Variants in IL1RAPL2 observed in about 807,000 individuals in gnomAD.
IL1RAPL2 encodes X-linked interleukin-1 receptor accessory protein-like 2.
Under a neutral mutation model 44.1 loss-of-function variants are expected in IL1RAPL2, and 3 were observed. That is an observed-to-expected ratio of 0.07 (90% CI 0.03 to 0.18). IL1RAPL2 has a LOEUF of 0.18. IL1RAPL2 is among the 10% of genes least tolerant of loss of function. IL1RAPL2 has a pLI of 1.00. For synonymous variants in IL1RAPL2, 181 were observed against 178.8 expected (o/e 1.01, Z -0.10); for missense variants, 391 against 496.4 (o/e 0.79, Z 2.02).
At chrX:104,577,817 G>T (rs1444755596) in intron 1 of IL1RAPL2, among the ~76,000 whole-genome samples, 7 of 110,826 alleles carry the variant, frequency 6.3e-5, no homozygotes, top group African/African-American at 2.3e-4. Context: ...GTCTGGCAAG[G>T]CCGGATAGTT....
chrX:104,976,144 C>A (rs766542128), intron 2 of IL1RAPL2, among the ~76,000 whole-genome samples: 51 of 111,191 alleles, frequency 4.6e-4, no homozygotes, highest in Admixed American at 8.6e-4. Context: ...TGTATTGAAC[C>A]CAAATGGTGT....
intron 1 of IL1RAPL2, among the ~76,000 whole-genome samples, chrX:104,635,407 A>C (rs1476896855): frequency 9.0e-6 from 1 of 110,962 alleles, no homozygotes; most frequent in Non-Finnish European, 1.9e-5. Context: ...TAGATTGGGG[A>C]AGTTCTCCTG....
intron 5 of IL1RAPL2, chrX:105,406,076 G>T: frequency 1.7e-6 from 2 of 1,200,566 alleles, no homozygotes; most frequent in South Asian, 3.5e-5. Flanking sequence ...CTCCTACCAG[G>T]TTGTAGCATG....
intron 4 of IL1RAPL2, among the ~76,000 whole-genome samples, chrX:105,254,968 G>C (rs1382679695): frequency 8.9e-6 from 1 of 111,735 alleles, no homozygotes; most frequent in African/African-American, 3.3e-5. Context: ...CTGTAGTATA[G>C]TTTCAAGTCA....
chrX:105,617,071 T>C (rs1206074137), intron 6 of IL1RAPL2, among the ~76,000 whole-genome samples: 1 of 110,414 alleles, frequency 9.1e-6, no homozygotes, highest in African/African-American at 3.3e-5. Flanking sequence ...CTAGATAACA[T>C]ACATACAATA....
chrX:105,202,995 T>A (rs2031998425), intron 3 of IL1RAPL2, among the ~76,000 whole-genome samples: 1 of 111,328 alleles, frequency 9.0e-6, no homozygotes, highest in Admixed American at 9.6e-5. Context: ...TTTTATATCA[T>A]CTCCACTCCT....
At chrX:104,627,321 C>T (rs375233354) in intron 1 of IL1RAPL2, among the ~76,000 whole-genome samples, 90 of 71,119 alleles carry the variant, frequency 1.3e-3, no homozygotes, top group South Asian at 5.2e-3. Context: ...TATCACACTC[C>T]GGGGCCTGTT....
At chrX:105,363,348 A>G (rs1008342511) in intron 5 of IL1RAPL2, among the ~76,000 whole-genome samples, 3 of 94,492 alleles carry the variant, frequency 3.2e-5, no homozygotes, top group Non-Finnish European at 6.3e-5. Context: ...TCATTCATTG[A>G]TGAACACTTA....
At chrX:105,347,059 G>A (rs2147702579) in intron 5 of IL1RAPL2, among the ~76,000 whole-genome samples, 1 of 111,934 alleles carries the variant, frequency 8.9e-6, no homozygotes, top group Admixed American at 9.5e-5. Context: ...ATACAGACCT[G>A]TGTGTTGAGT....
chrX:105,485,793 C>T lies in IL1RAPL2; in HGVS notation c.772+1406C>T, dbSNP rs184922592. 6.4e-4 allele frequency among the ~76,000 whole-genome samples: 72 copies of T among 111,968 alleles called. 2 individuals carry two copies. In the East Asian group the frequency reaches 0.018, roughly 28 times the overall value. On this transcript the variant is annotated intron_variant, in intron 6 of 10. Coordinates refer to ENST00000372582, the MANE Select transcript of IL1RAPL2 (RefSeq NM_017416.2). ...TTGTTGCAAATCACTGGACCTCGTT[C>T]TTTTTTATGACTGAATAGTATTCCA...
At chrX:105,019,883 T>C (rs1192371904) in intron 2 of IL1RAPL2, among the ~76,000 whole-genome samples, 1 of 111,465 alleles carries the variant, frequency 9.0e-6, no homozygotes, top group East Asian at 2.9e-4. Context: ...TAAGAGACCC[T>C]GGAGATCAGG....
intron 2 of IL1RAPL2, among the ~76,000 whole-genome samples, chrX:104,756,332 T>C (rs1158340384): frequency 9.0e-6 from 1 of 111,386 alleles, no homozygotes; most frequent in Non-Finnish European, 1.9e-5. Context: ...AAGATAACTT[T>C]TATTTAACTT....
intron 4 of IL1RAPL2, among the ~76,000 whole-genome samples, chrX:105,256,732 T>C (rs1180615138): frequency 1.8e-5 from 2 of 111,565 alleles, no homozygotes; most frequent in African/African-American, 6.5e-5. Flanking sequence ...ACCCATCACT[T>C]CTAGGTTTTC....
chrX:105,399,838 A>G (rs767373108), intron 5 of IL1RAPL2, among the ~76,000 whole-genome samples: 38 of 111,389 alleles, frequency 3.4e-4, no homozygotes, highest in Admixed American at 9.6e-4. Flanking sequence ...ACAAATAAGT[A>G]TAAAATTACA....
At chrX:105,461,000 G>A (rs2036089199) in intron 5 of IL1RAPL2, among the ~76,000 whole-genome samples, 1 of 111,972 alleles carries the variant, frequency 8.9e-6, no homozygotes, top group African/African-American at 3.2e-5. Context: ...AGACAGACAT[G>A]AGCTTAAGTC....
At chrX:105,142,158 C>T (rs1281392343) in intron 2 of IL1RAPL2, among the ~76,000 whole-genome samples, 1 of 111,824 alleles carries the variant, frequency 8.9e-6, no homozygotes, top group Admixed American at 9.5e-5. Flanking sequence ...CTGAAGCATT[C>T]TGACATTCAG....
At chrX:105,365,730 A>G (rs1484713509) in intron 5 of IL1RAPL2, among the ~76,000 whole-genome samples, 1 of 110,870 alleles carries the variant, frequency 9.0e-6, no homozygotes, top group Admixed American at 9.7e-5. Flanking sequence ...ATTTTGTGGT[A>G]TCAATTGTAA....
intron 2 of IL1RAPL2, among the ~76,000 whole-genome samples, chrX:104,908,466 A>G (rs762423715): frequency 1.9e-4 from 21 of 110,515 alleles, no homozygotes; most frequent in Non-Finnish European, 3.2e-4. Flanking sequence ...CATGTTTAGC[A>G]CTTCCTTCAG....
At chrX:105,566,774 G>T (rs1391919337) in intron 6 of IL1RAPL2, among the ~76,000 whole-genome samples, 2 of 111,620 alleles carry the variant, frequency 1.8e-5, no homozygotes, top group Non-Finnish European at 3.8e-5. Flanking sequence ...AATTTTAACT[G>T]TTCTAGGGAA....
Sources: gnomAD v4.1 joint callset for allele counts (sites outside exome capture counted in the v4.1 genomes callset) on GRCh38, gnomAD v4.1.1 for gene constraint, MANE v1.5 for transcripts, NCBI Gene and HGNC (gene_info 2026-07-23, HGNC 2026-07-21) for gene names.